CNKSR1: variants seen among roughly 807,000 people sequenced by gnomAD.
The protein encoded by CNKSR1 is connector enhancer of kinase suppressor of Ras 1, also known as CNK homolog protein 1.
Under a neutral mutation model 95.6 loss-of-function variants are expected in CNKSR1, and 88 were observed. The observed-to-expected ratio is 0.92, with a 90% CI of 0.78 to 1.10. CNKSR1 has a LOEUF of 1.10. CNKSR1 is among the 50% of genes least tolerant of loss of function. CNKSR1 has a pLI of 0.00. For synonymous variants in CNKSR1, 355 were observed against 369.7 expected (o/e 0.96, Z 0.46); for missense variants, 836 against 912.0 (o/e 0.92, Z 1.07).
At chr1:26,187,520 T>G in intron 16 of CNKSR1, 38 bp downstream of exon 16, 3 of 1,591,668 alleles carry the variant, frequency 1.9e-6, no homozygotes, top group Non-Finnish European at 2.6e-6. Flanking sequence ...TCTCATATGA[T>G]TCCCAAACTC....
At position 26,180,702 on chromosome 1, in the gene CNKSR1, C is replaced by T; in HGVS notation, c.211-13C>T. The T allele has an allele frequency of 6.2e-7, 1 of 1,614,062 alleles. No individual in the cohort carries two copies. The highest frequency in any genetic ancestry group is 1.7e-5 in the Admixed American group (1 of 60,014). On this transcript the variant is annotated splice_polypyrimidine_tract_variant and intron_variant, in intron 2 of 20. Transcript: ENST00000361530. ...TGCTGCCAGGGAGGTGACTTGCCCTCTTTCTGGCACAGAGCTCCAGGCTAC... is the reference window on the plus strand; with the variant it reads ...TGCTGCCAGGGAGGTGACTTGCCCTTTTTCTGGCACAGAGCTCCAGGCTAC...
intron 15 of CNKSR1, 31 bp from the exon 16 acceptor site, chr1:26,187,380 G>C: frequency 6.2e-7 from 1 of 1,613,734 alleles, no homozygotes; most frequent in Non-Finnish European, 8.5e-7. Context: ...GGCACGCCCA[G>C]GCTGAGTGAT....
Position 26,184,118 on chromosome 1 carries a change from G to C in CNKSR1, c.903G>C (p.Leu301=). The change falls in exon 10 of 21, where the codon CTG becomes CTC. Residue 301 remains leucine, a synonymous_variant. Transcript: ENST00000361530. ...CCCCGCACCAGAGGAGCCCATCACT[G>C]TCTCTGGCCCCACTGTCTCCCAGGT... ...LDSPHQRSPS[L]SLAPLSPRAP... is the part of the protein sequence containing the mutation. The C allele has an allele frequency of 6.2e-7, 1 of 1,612,146 alleles. No homozygotes were observed. The highest frequency in any genetic ancestry group is 1.1e-5 in the South Asian group (1 of 90,916).
In CNKSR1 at chr1:26,177,499, G is replaced by A. The variant is rs1308256105; in HGVS notation, c.-49G>A. On this transcript the variant is annotated 5_prime_UTR_variant, in exon 1 of 21. Transcript: ENST00000361530. The stretch of plus-strand genomic sequence containing the variant: ...CTGGGCTCTGGGAGCGGAAATTCCG[G>A]CGACAGCAGGGCAAAACAGGAGCTG... 1.2e-6 allele frequency: 2 copies of A among 1,611,420 alleles called. No homozygotes were observed. The highest frequency in any genetic ancestry group is 1.7e-6 in the Non-Finnish European group (2 of 1,178,856).
intron 14 of CNKSR1, among the ~76,000 whole-genome samples, chr1:26,185,838 C>T (rs986950398): frequency 1.3e-5 from 2 of 152,180 alleles, no homozygotes; most frequent in African/African-American, 4.8e-5. Flanking sequence ...GCCGAAAAAT[C>T]ACGTCTATTC....
At chr1:26,184,712 C>A in intron 13 of CNKSR1, 100 bp downstream of exon 13, 1 of 1,378,058 alleles carries the variant, frequency 7.3e-7, no homozygotes, top group Non-Finnish European at 1.0e-6. Flanking sequence ...CCCACACAGC[C>A]TCTCCTGGAA....
At chr1:26,177,916 G>A (rs147182146) in intron 1 of CNKSR1, among the ~76,000 whole-genome samples, 133 of 152,188 alleles carry the variant, frequency 8.7e-4, no homozygotes, top group African/African-American at 3.1e-3. Flanking sequence ...ACAGTGAGCC[G>A]AGATTGCACC....
At chr1:26,182,204 T>A (rs1055866243) in intron 4 of CNKSR1, 157 bp from the exon 5 acceptor site, 1 of 786,088 alleles carries the variant, frequency 1.3e-6, no homozygotes, top group Non-Finnish European at 2.1e-6. Flanking sequence ...AAACGAGCCC[T>A]CTGGTTAAAA....
chr1:26,187,514 A>T lies in CNKSR1; in HGVS notation c.1454+32A>T, dbSNP rs994502891. The T allele has an allele frequency of 1.9e-6, 3 of 1,606,986 alleles. No homozygotes were observed. In the African/African-American group the frequency reaches 4.0e-5, roughly 22 times the overall value. On this transcript the variant is annotated intron_variant, in intron 16 of 20. Transcript: ENST00000361530. The stretch of plus-strand genomic sequence containing the variant: ...GCCGCCTCCCTTAGCCCCTACTCTC[A>T]TATGATTCCCAAACTCTGTGAGCTT...
Position 26,184,436 on chromosome 1 carries a change from C to T in CNKSR1, c.1036C>T (p.Pro346Ser), listed in dbSNP as rs1392116870. ...ASLGPEPLPI[P>S]PEPPAILPAG... is the part of the protein sequence containing the mutation. ...CCTTGGCCCTGAGCCCCTGCCCATCCCCCCGGAACCCCCAGCCATACTCCC... is the reference window on the plus strand; with the variant it reads ...CCTTGGCCCTGAGCCCCTGCCCATCTCCCCGGAACCCCCAGCCATACTCCC... The change falls in exon 12 of 21, where the codon CCC becomes TCC. Residue 346 changes from proline to serine, a missense_variant. Transcript: ENST00000361530. 1.2e-6 allele frequency: 2 copies of T among 1,613,502 alleles called. No homozygotes were observed. The highest frequency in any genetic ancestry group is 1.7e-6 in the Non-Finnish European group (2 of 1,179,824).
Position 26,184,131 on chromosome 1 carries a change from C to T in CNKSR1, c.916C>T (p.Leu306=), listed in dbSNP as rs776613345. 13 of 1,612,902 alleles carry T rather than the reference C, an allele frequency of 8.1e-6. No individual in the cohort carries two copies. In the Admixed American group the frequency reaches 2.0e-4, roughly 25 times the overall value. The change falls in exon 10 of 21, where the codon CTG becomes TTG. Residue 306 remains leucine, a synonymous_variant. Coordinates refer to ENST00000361530, the MANE Select transcript of CNKSR1 (RefSeq NM_006314.3). ...QRSPSLSLAP[L]SPRAPSEDVF... Reference sequence around the variant, plus strand: ...GAGCCCATCACTGTCTCTGGCCCCACTGTCTCCCAGGTAACAGGCTCTGTC... The same window carrying T: ...GAGCCCATCACTGTCTCTGGCCCCATTGTCTCCCAGGTAACAGGCTCTGTC...
At chr1:26,189,157 C>A in intron 20 of CNKSR1, 122 bp from the exon 21 acceptor site, 1 of 1,366,462 alleles carries the variant, frequency 7.3e-7, no homozygotes, top group South Asian at 1.2e-5. Context: ...CACCTAGGCT[C>A]CTCGTGCCAC....
Position 26,184,433 on chromosome 1 carries a change from A to G in CNKSR1, c.1033A>G (p.Ile345Val), listed in dbSNP as rs1263067561. 1 of 1,612,960 alleles carries G rather than the reference A, an allele frequency of 6.2e-7. No homozygotes were observed. Among genetic ancestry groups the G allele is most frequent in the Non-Finnish European group, 8.5e-7 (1 of 1,179,676 alleles). ...SASLGPEPLP[I>V]PPEPPAILPA... ...CTCCCTTGGCCCTGAGCCCCTGCCC[A>G]TCCCCCCGGAACCCCCAGCCATACT... The change falls in exon 12 of 21, where the codon ATC becomes GTC. Residue 345 changes from isoleucine (I) to valine (V), a missense_variant. By Grantham distance (29) the Ile-to-Val change is conservative. Coordinates refer to ENST00000361530, the MANE Select transcript of CNKSR1 (RefSeq NM_006314.3).
In CNKSR1 at chr1:26,187,457, G is replaced by T; in HGVS notation, c.1429G>T (p.Ala477Ser). 1 of 1,614,028 alleles carries T rather than the reference G, an allele frequency of 6.2e-7. No individual in the cohort carries two copies. Among genetic ancestry groups the T allele is most frequent in the Non-Finnish European group, 8.5e-7 (1 of 1,179,992 alleles). Reference protein sequence around the residue: ...HDVYKPFIFAADTLTDLSMWV... With the variant: ...HDVYKPFIFASDTLTDLSMWV... ...TGTGTACAAACCCTTCATCTTCGCT[G>T]CTGATACCCTGACAGATCTGAGCAT... Residue 477 changes from alanine (A) to serine (S), a missense_variant, in exon 16 of 21, where the codon GCT (alanine) becomes TCT (serine). Ala to Ser is a moderately conservative substitution (Grantham distance 99, BLOSUM62 1). Transcript: ENST00000361530.
Position 26,189,370 on chromosome 1 carries a change from G to C in CNKSR1, c.1964G>C (p.Arg655Pro), listed in dbSNP as rs368176045. 10 of 1,613,896 alleles carry C rather than the reference G, an allele frequency of 6.2e-6. No individual in the cohort carries two copies. The Admixed American group carries it at 1.5e-4, about 24-fold the overall frequency. ...EKFRQWKEQN[R>P]ELYSEGLGAW... Reference sequence around the variant, plus strand: ...TTCCGCCAGTGGAAGGAGCAGAACCGGGAGCTGTACTCAGAGGGCCTGGGG... The same window carrying C: ...TTCCGCCAGTGGAAGGAGCAGAACCCGGAGCTGTACTCAGAGGGCCTGGGG... Residue 655 changes from arginine to proline, a missense_variant, in exon 21 of 21, where the codon CGG becomes CCG. Transcript: ENST00000361530.
At chr1:26,182,198 G>T in intron 4 of CNKSR1, 163 bp from the exon 5 acceptor site, 1 of 757,024 alleles carries the variant, frequency 1.3e-6, no homozygotes, top group Non-Finnish European at 2.2e-6. Flanking sequence ...TCAGGGAAAC[G>T]AGCCCTCTGG....
At position 26,180,909 on chromosome 1, in the gene CNKSR1, G is replaced by A; in HGVS notation, c.392+13G>A. On this transcript the variant is annotated intron_variant, in intron 3 of 20. Coordinates refer to ENST00000361530, the MANE Select transcript of CNKSR1 (RefSeq NM_006314.3). Reference sequence around the variant, plus strand: ...TCTGGCTCAGCAGGTACCCGGGTTGGGGTGACGAGTGAGGGACTATTGTCA... The same window carrying A: ...TCTGGCTCAGCAGGTACCCGGGTTGAGGTGACGAGTGAGGGACTATTGTCA... 6.2e-7 allele frequency: 1 copy of A among 1,614,174 alleles called. No individual in the cohort carries two copies. The highest frequency in any genetic ancestry group is 1.1e-5 in the South Asian group (1 of 91,082).
At chr1:26,177,837 G>A (rs916485239) in intron 1 of CNKSR1, among the ~76,000 whole-genome samples, 7 of 152,114 alleles carry the variant, frequency 4.6e-5, no homozygotes, top group Non-Finnish European at 7.4e-5. Context: ...GGTGGTGGCA[G>A]GTGCCTGTAA....
In CNKSR1 at chr1:26,187,395, C is replaced by T. The variant is rs1557624828; in HGVS notation, c.1383-16C>T. On this transcript the variant is annotated splice_polypyrimidine_tract_variant and intron_variant, in intron 15 of 20. Transcript: ENST00000361530. ...GGCACGCCCAGGCTGAGTGATGCTC[C>T]TCCACTACCTGGCAGTGTGTTTCAG... 1.2e-6 allele frequency: 2 copies of T among 1,613,932 alleles called. No individual in the cohort carries two copies. The highest frequency in any genetic ancestry group is 1.7e-6 in the Non-Finnish European group (2 of 1,179,884).
Sources: gnomAD v4.1 joint callset for allele counts (sites outside exome capture counted in the v4.1 genomes callset) on GRCh38, gnomAD v4.1.1 for gene constraint, MANE v1.5 for transcripts, NCBI Gene and HGNC (gene_info 2026-07-23, HGNC 2026-07-21) for gene names.